TEKT1: variants seen among roughly 807,000 people sequenced by gnomAD.
TEKT1 encodes the protein tektin-1.
In TEKT1, 32 loss-of-function variants were observed where a neutral mutation model predicts 34.8. That is an observed-to-expected ratio of 0.92 (90% CI 0.69 to 1.23). The LOEUF (loss-of-function observed/expected upper bound fraction) is 1.23, where lower values mean the gene tolerates loss of function less well. Among genes scored for constraint, TEKT1 ranks in the 50% most tolerant of loss-of-function variants. The probability of loss-of-function intolerance (pLI) is 0.00; values close to 1 mark genes in which losing one functional copy is unlikely to be tolerated. For missense variants in TEKT1, 492 were observed against 518.5 expected, an observed-to-expected ratio of 0.95 and a Z score of 0.50; for synonymous variants, 207 against 199.8, an observed-to-expected ratio of 1.04 and a Z score of -0.30.
chr17:6,816,402 C>T (rs1977009247), intron 3 of TEKT1, among the ~76,000 whole-genome samples: 1 of 152,144 alleles, frequency 6.6e-6, no homozygotes, highest in Non-Finnish European at 1.5e-5. Flanking sequence ...CCCTGACAGG[C>T]CCCGGTGTGT....
At chr17:6,818,296 G>T (rs1413128556) in intron 3 of TEKT1, among the ~76,000 whole-genome samples, 1 of 152,178 alleles carries the variant, frequency 6.6e-6, no homozygotes, top group African/African-American at 2.4e-5. Flanking sequence ...AGTGTGCAGG[G>T]TGCACTAGAT....
chr17:6,817,362 C>T (rs780295515), intron 3 of TEKT1, among the ~76,000 whole-genome samples: 2 of 151,372 alleles, frequency 1.3e-5, no homozygotes, highest in Non-Finnish European at 2.9e-5. Context: ...GCAACAAGAG[C>T]GAAACTCCAT....
intron 2 of TEKT1, among the ~76,000 whole-genome samples, chr17:6,827,519 C>T (rs1016287322): frequency 6.6e-6 from 1 of 152,116 alleles, no homozygotes; most frequent in African/African-American, 2.4e-5. Flanking sequence ...CCACCTCGGC[C>T]TCCCAAAGTG....
intron 6 of TEKT1, among the ~76,000 whole-genome samples, chr17:6,807,634 A>G (rs1292567016): frequency 1.3e-5 from 2 of 152,170 alleles, no homozygotes; most frequent in Non-Finnish European, 2.9e-5. Context: ...GGTGACGTAC[A>G]GATAGGGTTT....
chr17:6,826,144 T>G (rs1264129392), intron 2 of TEKT1, among the ~76,000 whole-genome samples: 1 of 152,214 alleles, frequency 6.6e-6, no homozygotes, highest in African/African-American at 2.4e-5. Context: ...TTGTAGCCAT[T>G]CCATGGCTGT....
chr17:6,802,581 A>G, intron 6 of TEKT1, among the ~76,000 whole-genome samples: 1 of 151,770 alleles, frequency 6.6e-6, no homozygotes, highest in East Asian at 1.9e-4. Flanking sequence ...TGCTGCACCC[A>G]TTAACTCATC....
chr17:6,805,583 T>G (rs1005374554), intron 6 of TEKT1, among the ~76,000 whole-genome samples: 2 of 152,248 alleles, frequency 1.3e-5, no homozygotes, highest in African/African-American at 4.8e-5. Context: ...AGATCTTTCC[T>G]GCTTTCTCTT....
chr17:6,820,106 C>A (rs1567680777), intron 2 of TEKT1, among the ~76,000 whole-genome samples: 1 of 152,168 alleles, frequency 6.6e-6, no homozygotes, highest in Non-Finnish European at 1.5e-5. Context: ...ACACAACATA[C>A]TTCCGTCTCC....
chr17:6,826,485 A>G (rs1485917006), intron 2 of TEKT1, among the ~76,000 whole-genome samples: 2 of 151,820 alleles, frequency 1.3e-5, no homozygotes, highest in Non-Finnish European at 2.9e-5. Flanking sequence ...TTTTCTATGA[A>G]TGCTTCTTTT....
In TEKT1 at chr17:6,800,863, C is replaced by T. The variant is rs77092590; in HGVS notation, c.933G>A (p.Lys311=). The T allele has an allele frequency of 1.2e-6, 2 of 1,614,046 alleles. No homozygotes were observed. Among genetic ancestry groups the T allele is most frequent in the Non-Finnish European group, 1.7e-6 (2 of 1,180,034 alleles). ...TGGTCTCCAAGCGCGTATGAGCCAC[C>T]TTGGCTGGCCCTTCTTGGTCAAGGA... ...KAILDQEGPA[K]VAHTRLETRT... Residue 311 remains lysine (K), a synonymous_variant, in exon 7 of 8, where the codon AAG becomes AAA. Coordinates refer to ENST00000338694, the MANE Select transcript of TEKT1 (RefSeq NM_053285.2).
At chr17:6,822,687 T>C (rs1356387576) in intron 2 of TEKT1, among the ~76,000 whole-genome samples, 1 of 152,248 alleles carries the variant, frequency 6.6e-6, no homozygotes, top group Non-Finnish European at 1.5e-5. Context: ...ATCTCTTCTC[T>C]AAATTCTTGA....
rs1366449436 is a variant in TEKT1, at chr17:6,813,056, G to A, written c.630-3C>T. ...ACCAGTCTTCCAGACTCACGGAGCTGAAACAGACCTCACGCTTTCATTCAC... is the reference window on the plus strand; with the variant it reads ...ACCAGTCTTCCAGACTCACGGAGCTAAAACAGACCTCACGCTTTCATTCAC... On this transcript the variant is annotated splice_polypyrimidine_tract_variant and splice_region_variant and intron_variant, in intron 5 of 7. Transcript: ENST00000338694. The A allele has an allele frequency of 8.7e-6, 14 of 1,611,848 alleles. No homozygotes were observed. Among genetic ancestry groups the A allele is most frequent in the African/African-American group, 1.3e-5 (1 of 74,912 alleles).
intron 2 of TEKT1, among the ~76,000 whole-genome samples, chr17:6,829,075 T>C (rs959400173): frequency 6.6e-6 from 1 of 152,110 alleles, no homozygotes; most frequent in Non-Finnish European, 1.5e-5. Context: ...CGCTCGAACC[T>C]GGAAGGCAGA....
intron 6 of TEKT1, among the ~76,000 whole-genome samples, chr17:6,808,468 A>G (rs1555554068): frequency 6.6e-6 from 1 of 152,112 alleles, no homozygotes; most frequent in Non-Finnish European, 1.5e-5. Flanking sequence ...CGCTGCACCC[A>G]CTGTCCTGCA....
At chr17:6,820,359 T>C (rs1348812380) in intron 2 of TEKT1, among the ~76,000 whole-genome samples, 5 of 152,018 alleles carry the variant, frequency 3.3e-5, no homozygotes, top group East Asian at 1.9e-4. Context: ...TGACTGATTA[T>C]ACTAGGAAAA....
chr17:6,808,239 G>A (rs1007318130), intron 6 of TEKT1, among the ~76,000 whole-genome samples: 1 of 152,192 alleles, frequency 6.6e-6, no homozygotes, highest in East Asian at 1.9e-4. Flanking sequence ...AGTGAGCGAG[G>A]CTCCGTGGGT....
chr17:6,826,759 T>G (rs1184231725), intron 2 of TEKT1, among the ~76,000 whole-genome samples: 4 of 151,332 alleles, frequency 2.6e-5, no homozygotes, highest in African/African-American at 7.3e-5. Flanking sequence ...GCAGTGGCAC[T>G]ATCTCACGTC....
intron 6 of TEKT1, among the ~76,000 whole-genome samples, chr17:6,801,546 A>G (rs1313805568): frequency 6.6e-6 from 1 of 152,048 alleles, no homozygotes; most frequent in Non-Finnish European, 1.5e-5. Flanking sequence ...CAACTCTACT[A>G]AAAATACAAA....
Position 6,819,286 on chromosome 17 carries a change from GTTACATTCA to G in TEKT1, c.254_262del (p.Val85_Thr88delinsAla). The G allele has an allele frequency of 6.2e-7, 1 of 1,614,050 alleles. No individual in the cohort carries two copies. Among genetic ancestry groups the G allele is most frequent in the Non-Finnish European group, 8.5e-7 (1 of 1,179,980 alleles). On this transcript the variant is annotated inframe_deletion, in exon 3 of 8. Coordinates refer to ENST00000338694, the MANE Select transcript of TEKT1 (RefSeq NM_053285.2). ...GATCTTATATATGAGTAGATCATCA[GTTACATTCA>G]CAAGCTGCTCAAGTTTGTCATCTAA...
Sources: gnomAD v4.1 joint callset for allele counts (sites outside exome capture counted in the v4.1 genomes callset) on GRCh38, gnomAD v4.1.1 for gene constraint, MANE v1.5 for transcripts, NCBI Gene and HGNC (gene_info 2026-07-23, HGNC 2026-07-21) for gene names.